The following DRC11 variants were observed in gnomAD, a reference collection of about 807,000 sequenced individuals.
DRC11 encodes the protein IQ and AAA domain-containing protein 1.
chr2:236,460,017 G>A, the DRC11 span, among the ~76,000 whole-genome samples: 2 of 151,840 alleles, frequency 1.3e-5, no homozygotes, highest in Non-Finnish European at 2.9e-5. This position sits in a 1 kb window ranked among gnomAD's most constrained non-coding sequence, Gnocchi z 4.0. Flanking sequence ...GTGTCCTATT[G>A]GAATTTATCC....
At chr2:236,479,457 G>T in the DRC11 span, among the ~76,000 whole-genome samples, 1 of 151,646 alleles carries the variant, frequency 6.6e-6, no homozygotes, top group African/African-American at 2.4e-5. The surrounding 1 kb of genome is among the most constrained non-coding windows in gnomAD (Gnocchi z 4.1). Flanking sequence ...ATTTTCTCTG[G>T]CAATATATTT....
chr2:236,358,097 T>G, the DRC11 span, among the ~76,000 whole-genome samples: 1 of 120,250 alleles, frequency 8.3e-6, no homozygotes, highest in Non-Finnish European at 1.6e-5. Flanking sequence ...ATATATACCA[T>G]ATGAATATAT....
chr2:236,368,145 G>A, the DRC11 span: 14 of 1,069,886 alleles, frequency 1.3e-5, no homozygotes, highest in Admixed American at 5.8e-5. Context: ...ACCAGCAAGC[G>A]GTGCAAGCTG....
chr2:236,313,955 G>C, the DRC11 span, among the ~76,000 whole-genome samples: 1 of 152,204 alleles, frequency 6.6e-6, no homozygotes, highest in African/African-American at 2.4e-5. The surrounding 1 kb of genome is among the most constrained non-coding windows in gnomAD (Gnocchi z 4.5). Context: ...CAGCATGAGA[G>C]ATCCTCGTGG....
the DRC11 span, chr2:236,324,090 TG>T: frequency 6.6e-6 from 1 of 152,228 alleles, no homozygotes; most frequent in Non-Finnish European, 1.5e-5. The surrounding 1 kb of genome is among the most constrained non-coding windows in gnomAD (Gnocchi z 5.7). Flanking sequence ...AAAATTAGGA[TG>T]TTGAAATAGT....
chr2:236,406,780 C>CT, the DRC11 span, among the ~76,000 whole-genome samples: 61 of 150,756 alleles, frequency 4.0e-4, no homozygotes, highest in African/African-American at 1.4e-3. This position sits in a 1 kb window ranked among gnomAD's most constrained non-coding sequence, Gnocchi z 4.7. Flanking sequence ...GAGTTTCACT[C>CT]TGTTGCCCAG....
At chr2:236,456,124 G>A in the DRC11 span, among the ~76,000 whole-genome samples, 1 of 152,154 alleles carries the variant, frequency 6.6e-6, no homozygotes, top group East Asian at 1.9e-4. This position sits in a 1 kb window ranked among gnomAD's most constrained non-coding sequence, Gnocchi z 5.4. Flanking sequence ...CATCCAAATT[G>A]CAAGTCATTT....
At chr2:236,472,735 T>A in the DRC11 span, among the ~76,000 whole-genome samples, 2 of 152,178 alleles carry the variant, frequency 1.3e-5, no homozygotes, top group African/African-American at 2.4e-5. The surrounding 1 kb of genome is among the most constrained non-coding windows in gnomAD (Gnocchi z 4.6). Flanking sequence ...GTGAAATAGG[T>A]AGCACTCTCC....
the DRC11 span, among the ~76,000 whole-genome samples, chr2:236,432,912 G>T: frequency 6.6e-6 from 1 of 152,024 alleles, no homozygotes; most frequent in African/African-American, 2.4e-5. Context: ...TTATACGTAA[G>T]TGTTTGATCC....
At chr2:236,331,001 G>C in the DRC11 span, among the ~76,000 whole-genome samples, 3 of 152,166 alleles carry the variant, frequency 2.0e-5, no homozygotes, top group Non-Finnish European at 2.9e-5. The surrounding 1 kb of genome is among the most constrained non-coding windows in gnomAD (Gnocchi z 4.8). Flanking sequence ...GCATTGGCTT[G>C]AACTATACTA....
At chr2:236,358,733 T>C in the DRC11 span, among the ~76,000 whole-genome samples, 1 of 149,178 alleles carries the variant, frequency 6.7e-6, no homozygotes, top group Non-Finnish European at 1.5e-5. Flanking sequence ...CGTGCCCATT[T>C]TACAGATGAG....
the DRC11 span, among the ~76,000 whole-genome samples, chr2:236,361,841 A>G: frequency 6.6e-6 from 1 of 152,218 alleles, no homozygotes; most frequent in African/African-American, 2.4e-5. This position sits in a 1 kb window ranked among gnomAD's most constrained non-coding sequence, Gnocchi z 5.7. Flanking sequence ...GAAGAAAGCA[A>G]AACCCAACTA....
At chr2:236,476,454 G>GT in the DRC11 span, among the ~76,000 whole-genome samples, 1 of 152,072 alleles carries the variant, frequency 6.6e-6, no homozygotes, top group Non-Finnish European at 1.5e-5. This position sits in a 1 kb window ranked among gnomAD's most constrained non-coding sequence, Gnocchi z 4.7. Context: ...AATTCTCACA[G>GT]TTTTTTTATG....
chr2:236,415,815 C>T, the DRC11 span, among the ~76,000 whole-genome samples: 1 of 152,204 alleles, frequency 6.6e-6, no homozygotes, highest in South Asian at 2.1e-4. This position sits in a 1 kb window ranked among gnomAD's most constrained non-coding sequence, Gnocchi z 5.7. Flanking sequence ...ACAAGCTTCA[C>T]TAACAGCGAA....
the DRC11 span, among the ~76,000 whole-genome samples, chr2:236,373,691 TTGC>T: frequency 6.6e-6 from 1 of 152,240 alleles, no homozygotes; most frequent in East Asian, 1.9e-4. Flanking sequence ...AACTTTTCCA[TTGC>T]TCAAATTTAT....
the DRC11 span, among the ~76,000 whole-genome samples, chr2:236,440,025 C>T: frequency 6.6e-6 from 1 of 152,016 alleles, no homozygotes; most frequent in Non-Finnish European, 1.5e-5. Context: ...GAAGATAAGC[C>T]TTCTGTTCTT....
the DRC11 span, among the ~76,000 whole-genome samples, chr2:236,459,495 A>G: frequency 7.9e-6 from 1 of 126,156 alleles, no homozygotes; most frequent in South Asian, 2.5e-4. Context: ...ATGTATACGT[A>G]TATATGTATA....
chr2:236,419,082 TCAAAG>T, the DRC11 span: 2 of 1,473,876 alleles, frequency 1.4e-6, no homozygotes, highest in Non-Finnish European at 1.8e-6. This position sits in a 1 kb window ranked among gnomAD's most constrained non-coding sequence, Gnocchi z 4.8. Context: ...TCTCATTGAC[TCAAAG>T]CAAAGAAGTC....
the DRC11 span, among the ~76,000 whole-genome samples, chr2:236,505,629 C>A: frequency 6.6e-6 from 1 of 152,116 alleles, no homozygotes; most frequent in Admixed American, 6.5e-5. Context: ...CCCTCAGTCA[C>A]CATCATCTTC....
Sources: allele counts gnomAD v4.1 joint callset (sites outside exome capture counted in the v4.1 genomes callset), GRCh38; gene constraint gnomAD v4.1.1; non-coding constraint Gnocchi (gnomAD v3.1); transcripts MANE v1.5; gene names NCBI Gene and HGNC (gene_info 2026-07-23, HGNC 2026-07-21).